Variants in PCMT1 observed in about 807,000 individuals in gnomAD.
The protein encoded by PCMT1 is protein-L-isoaspartate(D-aspartate) O-methyltransferase.
In PCMT1, 9 loss-of-function variants were observed where a neutral mutation model predicts 29.2. The ratio of observed to expected loss-of-function variants is 0.31; its 90% confidence interval spans 0.19 to 0.54. PCMT1 has a LOEUF of 0.54. PCMT1 is among the 20% of genes least tolerant of loss of function. The pLI is 0.95. For missense variants in PCMT1, 184 were observed against 282.2 expected, an observed-to-expected ratio of 0.65 and a Z score of 2.49; for synonymous variants, 98 against 97.5, an observed-to-expected ratio of 1.00 and a Z score of -0.03.
intron 3 of PCMT1, among the ~76,000 whole-genome samples, chr6:149,785,877 C>T (rs1481116976): frequency 6.6e-6 from 1 of 152,222 alleles, no homozygotes; most frequent in Non-Finnish European, 1.5e-5. Context: ...TTCTATTCCA[C>T]AAAGCCGCCA....
intron 1 of PCMT1, among the ~76,000 whole-genome samples, chr6:149,758,729 T>A (rs925924012): frequency 6.6e-6 from 1 of 152,166 alleles, no homozygotes; most frequent in Admixed American, 6.6e-5. Flanking sequence ...TTAAAAGTTA[T>A]TAAGGTATAG....
At chr6:149,809,371 C>T (rs1776102206) in intron 7 of PCMT1, among the ~76,000 whole-genome samples, 1 of 147,884 alleles carries the variant, frequency 6.8e-6, no homozygotes, top group African/African-American at 2.5e-5. Context: ...GCAAATAATT[C>T]TTTGTTGACC....
chr6:149,756,176 A>G (rs901641396), intron 1 of PCMT1, among the ~76,000 whole-genome samples: 1 of 152,172 alleles, frequency 6.6e-6, no homozygotes, highest in African/African-American at 2.4e-5. Context: ...TGCTTTTCTT[A>G]TAAGACATTT....
intron 4 of PCMT1, among the ~76,000 whole-genome samples, chr6:149,792,007 G>T (rs1205389770): frequency 6.6e-6 from 1 of 152,134 alleles, no homozygotes; most frequent in Non-Finnish European, 1.5e-5. Flanking sequence ...TTGTACTGAG[G>T]AACCTGATTC....
intron 1 of PCMT1, among the ~76,000 whole-genome samples, chr6:149,762,550 T>TATATATATCTATG: frequency 9.6e-5 from 2 of 20,864 alleles, no homozygotes; most frequent in South Asian, 2.7e-3. Context: ...ATATCTATGA[T>TATATATATCTATG]ATATATATAT....
chr6:149,793,824 G>A (rs1729067888), intron 5 of PCMT1, among the ~76,000 whole-genome samples, 155 bp downstream of exon 5: 1 of 152,076 alleles, frequency 6.6e-6, no homozygotes, highest in South Asian at 2.1e-4. Flanking sequence ...TGCTCACCTA[G>A]TGTGTATTTT....
Position 149,792,973 on chromosome 6 carries a change from C to A in PCMT1, c.298-576C>A, listed in dbSNP as rs377141980. Among the ~76,000 whole-genome samples the A allele has an allele frequency of 1.4e-4, 22 of 152,004 alleles. No individual in the cohort carries two copies. The South Asian group carries it at 4.6e-3, about 32-fold the overall frequency. On this transcript the variant is annotated intron_variant, in intron 4 of 7. Transcript: ENST00000464889. ...GTCAGGAATTTGAGACCAGCCTGAC[C>A]AACGTGGTGAAACCCTGTCTCTACT...
At chr6:149,777,194 A>C (rs1787603884) in intron 3 of PCMT1, among the ~76,000 whole-genome samples, 1 of 152,194 alleles carries the variant, frequency 6.6e-6, no homozygotes. Context: ...TGCCTACCTT[A>C]AATGTGCTCA....
chr6:149,803,798 A>G (rs1308010887), intron 7 of PCMT1, among the ~76,000 whole-genome samples: 22 of 35,836 alleles, frequency 6.1e-4, no homozygotes, highest in Admixed American at 4.9e-3. Context: ...CAGCCACTGG[A>G]AAAAAAAAAA....
chr6:149,810,879 T>C lies in PCMT1; in HGVS notation c.*301T>C. 2.6e-6 allele frequency: 1 copy of C among 387,654 alleles called. No individual in the cohort carries two copies. The allele number at this position is 387,654 out of a possible 1,614,324, so 24.0% of individuals were successfully genotyped here. On this transcript the variant is annotated 3_prime_UTR_variant, in exon 8 of 8. Coordinates refer to ENST00000464889, the MANE Select transcript of PCMT1 (RefSeq NM_001360452.2). The stretch of plus-strand genomic sequence containing the variant: ...CATGCCCATATTTTACTTGGAAATA[T>C]TAAAAGAAAGGGTTCTGTAAAATGG...
intron 1 of PCMT1, among the ~76,000 whole-genome samples, chr6:149,770,705 C>CA (rs1302278944): frequency 0.023 from 1,462 of 63,580 alleles, 16 homozygotes; most frequent in African/African-American, 0.04. Flanking sequence ...GACTCCATCT[C>CA]AAAAAAAAAA....
At chr6:149,759,749 C>A (rs1169620077) in intron 1 of PCMT1, among the ~76,000 whole-genome samples, 1 of 152,200 alleles carries the variant, frequency 6.6e-6, no homozygotes, top group Non-Finnish European at 1.5e-5. Context: ...CCCACCTCGG[C>A]CTCCCAAAGT....
chr6:149,786,093 C>T (rs1788040791), intron 3 of PCMT1, among the ~76,000 whole-genome samples: 1 of 142,502 alleles, frequency 7.0e-6, no homozygotes, highest in African/African-American at 2.6e-5. Context: ...GGAGCTCCTC[C>T]TTCCCAGTAG....
intron 3 of PCMT1, among the ~76,000 whole-genome samples, chr6:149,782,305 A>C (rs150751539): frequency 6.6e-6 from 1 of 152,144 alleles, no homozygotes; most frequent in Non-Finnish European, 1.5e-5. Context: ...TCTTAGCAGT[A>C]TTATAAGACA....
In PCMT1 at chr6:149,762,548, GAT is replaced by G. The variant is rs71010873; in HGVS notation, c.56-8603_56-8602del. Among the ~76,000 whole-genome samples the G allele has an allele frequency of 7.0e-3, 56 of 8,048 alleles. 8 individuals are homozygous for G. Among genetic ancestry groups the G allele is most frequent in the South Asian group, 0.026 (7 of 268 alleles). The allele number at this position is 8,048 out of a possible 152,430, so 5.3% of individuals were successfully genotyped here. On this transcript the variant is annotated intron_variant, in intron 1 of 7. Coordinates refer to ENST00000464889, the MANE Select transcript of PCMT1 (RefSeq NM_001360452.2). ...ATATATCTATGATATATATATCTAT[GAT>G]ATATATATATCTATGATATATATAT... is the stretch of plus-strand genomic sequence containing the variant.
At position 149,801,233 on chromosome 6, in the gene PCMT1, A is replaced by G. The variant is rs74386488; in HGVS notation, c.505-967A>G. 3.9e-4 allele frequency among the ~76,000 whole-genome samples: 59 copies of G among 152,348 alleles called. 2 individuals carry two copies. In the East Asian group the frequency reaches 7.5e-3, roughly 19 times the overall value. ...TCTAAACATAAAACTCATTTATGTTATACCTCTTATACACATAGCCTGAAG... is the reference window on the plus strand; with the variant it reads ...TCTAAACATAAAACTCATTTATGTTGTACCTCTTATACACATAGCCTGAAG... On this transcript the variant is annotated intron_variant, in intron 6 of 7. Transcript: ENST00000464889.
chr6:149,775,364 A>G (rs915757845), intron 3 of PCMT1, among the ~76,000 whole-genome samples: 2 of 152,174 alleles, frequency 1.3e-5, no homozygotes, highest in African/African-American at 2.4e-5. Context: ...TGAAACTTAC[A>G]TATCTAGGAT....
At chr6:149,774,274 C>G (rs1327348138) in intron 3 of PCMT1, among the ~76,000 whole-genome samples, 4 of 151,438 alleles carry the variant, frequency 2.6e-5, no homozygotes, top group Non-Finnish European at 5.9e-5. Flanking sequence ...GAGTCTCACA[C>G]TGTTGCCCAG....
At chr6:149,764,782 C>G (rs1334645603) in intron 1 of PCMT1, among the ~76,000 whole-genome samples, 1 of 151,494 alleles carries the variant, frequency 6.6e-6, no homozygotes, top group Non-Finnish European at 1.5e-5. Context: ...GGCTGAACGC[C>G]TTTAATCCCA....
Sources: gnomAD v4.1 joint callset for allele counts (sites outside exome capture counted in the v4.1 genomes callset) on GRCh38, gnomAD v4.1.1 for gene constraint, MANE v1.5 for transcripts, NCBI Gene and HGNC (gene_info 2026-07-23, HGNC 2026-07-21) for gene names.